Variants in EPHB1 observed in about 807,000 individuals in gnomAD.
EPHB1 encodes the protein EPH receptor B1, also known as ephrin type-B receptor 1.
Under a neutral mutation model 94.4 loss-of-function variants are expected in EPHB1, and 30 were observed. The ratio of observed to expected loss-of-function variants is 0.32; its 90% confidence interval spans 0.24 to 0.43. The LOEUF (loss-of-function observed/expected upper bound fraction) is 0.43. Among genes scored for constraint, EPHB1 ranks in the 20% least tolerant of loss-of-function variants. The pLI, the probability that EPHB1 is intolerant of heterozygous loss-of-function variation, is 1.00. For missense variants in EPHB1, 1,055 were observed against 1,308.3 expected, an observed-to-expected ratio of 0.81 and a Z score of 2.99; for synonymous variants, 522 against 489.1, an observed-to-expected ratio of 1.07 and a Z score of -0.89.
At chr3:134,972,142 A>G (rs1933993609) in intron 3 of EPHB1, among the ~76,000 whole-genome samples, 1 of 152,046 alleles carries the variant, frequency 6.6e-6, no homozygotes, top group Non-Finnish European at 1.5e-5. Flanking sequence ...GCCAGTCCTC[A>G]TGGCCACACC....
chr3:135,108,691 C>T (rs919343423), intron 4 of EPHB1, among the ~76,000 whole-genome samples: 20 of 152,290 alleles, frequency 1.3e-4, no homozygotes, highest in African/African-American at 3.9e-4. Context: ...GGTCTCTGGA[C>T]GACTAGCTCC....
At chr3:135,020,790 A>T (rs566292971) in intron 3 of EPHB1, among the ~76,000 whole-genome samples, 6 of 152,232 alleles carry the variant, frequency 3.9e-5, no homozygotes, top group Non-Finnish European at 8.8e-5. Flanking sequence ...AAATAATTAA[A>T]TCTCAAGGTA....
chr3:134,902,188 G>T (rs1025775559), intron 1 of EPHB1, among the ~76,000 whole-genome samples: 1 of 152,198 alleles, frequency 6.6e-6, no homozygotes, highest in Non-Finnish European at 1.5e-5. Flanking sequence ...CTAGGAGAGA[G>T]GGGGCTGTGG....
At chr3:134,933,657 G>C (rs1197072292) in intron 2 of EPHB1, among the ~76,000 whole-genome samples, 1 of 152,176 alleles carries the variant, frequency 6.6e-6, no homozygotes, top group Non-Finnish European at 1.5e-5. Flanking sequence ...AAAGCACGGA[G>C]CAGCTGGTAA....
chr3:135,133,098 T>C (rs1417820737), intron 5 of EPHB1, 49 bp downstream of exon 5: 1 of 1,518,410 alleles, frequency 6.6e-7, no homozygotes, highest in Admixed American at 1.9e-5. Context: ...GGCTGGCTCT[T>C]TGTCTCTAGG....
chr3:135,175,830 C>T (rs1941964093), intron 9 of EPHB1, among the ~76,000 whole-genome samples: 1 of 152,140 alleles, frequency 6.6e-6, no homozygotes, highest in East Asian at 1.9e-4. Context: ...GTTTTCTGAG[C>T]CCTGTCTCCA....
chr3:134,811,251 T>TTTTTTTTTG (rs1553853013), intron 1 of EPHB1, among the ~76,000 whole-genome samples: 3 of 97,156 alleles, frequency 3.1e-5, no homozygotes, highest in African/African-American at 2.2e-4. Context: ...GGTTTTTTTT[T>TTTTTTTTTG]TTTTTTTTTT....
chr3:134,992,527 G>A (rs895771530), intron 3 of EPHB1, among the ~76,000 whole-genome samples: 1 of 152,198 alleles, frequency 6.6e-6, no homozygotes, highest in Non-Finnish European at 1.5e-5. Context: ...CATCTGCTAC[G>A]TGTCAGGCCC....
At chr3:135,208,860 A>G (rs1026818151) in intron 12 of EPHB1, among the ~76,000 whole-genome samples, 5 of 151,988 alleles carry the variant, frequency 3.3e-5, no homozygotes, top group Non-Finnish European at 7.4e-5. Flanking sequence ...GATTCCATAT[A>G]CTCCCCTAAA....
chr3:135,039,018 T>C (rs1936740115), intron 3 of EPHB1, among the ~76,000 whole-genome samples: 2 of 152,128 alleles, frequency 1.3e-5, no homozygotes, highest in Non-Finnish European at 2.9e-5. Context: ...TCAGATTAGT[T>C]AGATACAGAG....
chr3:135,160,201 G>A (rs1449825423), intron 6 of EPHB1, among the ~76,000 whole-genome samples: 1 of 152,216 alleles, frequency 6.6e-6, no homozygotes, highest in Non-Finnish European at 1.5e-5. Context: ...CCCAGAGATA[G>A]TAGTGTGTCA....
intron 3 of EPHB1, among the ~76,000 whole-genome samples, chr3:135,082,682 A>G (rs889628990): frequency 2.0e-5 from 3 of 152,244 alleles, no homozygotes; most frequent in African/African-American, 7.2e-5. Context: ...GGAGAGAAGG[A>G]CACCCCAGAT....
At chr3:134,944,093 A>G (rs1008334176) in intron 2 of EPHB1, among the ~76,000 whole-genome samples, 1 of 152,208 alleles carries the variant, frequency 6.6e-6, no homozygotes, top group Non-Finnish European at 1.5e-5. Flanking sequence ...TCCTAAAAAG[A>G]TTCTTTATGC....
chr3:134,881,783 T>C (rs986469413), intron 1 of EPHB1, among the ~76,000 whole-genome samples: 6 of 152,226 alleles, frequency 3.9e-5, no homozygotes, highest in Non-Finnish European at 8.8e-5. Flanking sequence ...ATCTTATTTT[T>C]AATCCCCAGA....
chr3:135,071,518 G>A (rs1295013895), intron 3 of EPHB1, among the ~76,000 whole-genome samples: 2 of 152,204 alleles, frequency 1.3e-5, no homozygotes, highest in Non-Finnish European at 2.9e-5. Context: ...TATGTGATGA[G>A]ATAAAGTGCT....
chr3:134,853,891 A>G (rs979615210), intron 1 of EPHB1, among the ~76,000 whole-genome samples: 1 of 152,158 alleles, frequency 6.6e-6, no homozygotes, highest in African/African-American at 2.4e-5. Flanking sequence ...CATTGTCCTC[A>G]TCCAGGACAG....
chr3:135,010,867 T>C (rs1020309101), intron 3 of EPHB1, among the ~76,000 whole-genome samples: 2 of 151,934 alleles, frequency 1.3e-5, no homozygotes, highest in Non-Finnish European at 2.9e-5. Flanking sequence ...CGGCCGAGGG[T>C]CTGTATTTCT....
chr3:134,882,498 G>T (rs2037753188), intron 1 of EPHB1, among the ~76,000 whole-genome samples: 1 of 152,172 alleles, frequency 6.6e-6, no homozygotes, highest in African/African-American at 2.4e-5. Flanking sequence ...GAGAACAGAG[G>T]AAATAATTAA....
intron 3 of EPHB1, among the ~76,000 whole-genome samples, chr3:134,957,047 A>T (rs1933304862): frequency 1.3e-5 from 2 of 152,168 alleles, no homozygotes; most frequent in Admixed American, 1.3e-4. Context: ...GCCTTAAGCC[A>T]GGTGGTCTAG....
Sources: allele counts gnomAD v4.1 joint callset (sites outside exome capture counted in the v4.1 genomes callset), GRCh38; gene constraint gnomAD v4.1.1; transcripts MANE v1.5; gene names NCBI Gene and HGNC (gene_info 2026-07-23, HGNC 2026-07-21).